FRMD4A: variants seen among roughly 807,000 people sequenced by gnomAD.
FRMD4A encodes the protein FERM domain-containing protein 4A.
Under a neutral mutation model 129.1 loss-of-function variants are expected in FRMD4A, and 29 were observed. The ratio of observed to expected loss-of-function variants is 0.22; its 90% CI spans 0.17 to 0.31. FRMD4A has a LOEUF of 0.31. Among genes scored for constraint, FRMD4A ranks in the 10% least tolerant of loss-of-function variants. The probability of loss-of-function intolerance (pLI) is 1.00; values close to 1 mark genes in which losing one functional copy is unlikely to be tolerated. For synonymous variants in FRMD4A, 634 were observed against 571.6 expected, an observed-to-expected ratio of 1.11 and a Z score of -1.56; for missense variants, 1,272 against 1,375.8, an observed-to-expected ratio of 0.92 and a Z score of 1.19.
intron 15 of FRMD4A, among the ~76,000 whole-genome samples, chr10:13,686,254 GAGA>G (rs1274894668): frequency 2.6e-5 from 4 of 152,254 alleles, no homozygotes; most frequent in African/African-American, 9.6e-5. Context: ...ATACAGGGAG[GAGA>G]AGGAGGAAGG....
At chr10:14,066,314 G>A (rs999997168) in intron 2 of FRMD4A, among the ~76,000 whole-genome samples, 1 of 151,100 alleles carries the variant, frequency 6.6e-6, no homozygotes, top group Non-Finnish European at 1.5e-5. Flanking sequence ...TTGGTGGGGG[G>A]TGTGGGGGGT....
intron 14 of FRMD4A, among the ~76,000 whole-genome samples, chr10:13,698,391 T>C (rs3829930): frequency 0.74 from 112,231 of 151,990 alleles, 41,515 homozygotes; most frequent in Admixed American, 0.79. Context: ...AGAAATGTTA[T>C]GAAGCTCTCT....
intron 14 of FRMD4A, among the ~76,000 whole-genome samples, chr10:13,699,622 T>A (rs1434678037): frequency 2.6e-5 from 4 of 152,102 alleles, no homozygotes; most frequent in African/African-American, 9.7e-5. Flanking sequence ...GTCCACACTG[T>A]GGTACAGTGC....
Position 13,663,436 on chromosome 10 carries a change from G to A in FRMD4A, c.1660+17C>T, listed in dbSNP as rs112821068. On this transcript the variant is annotated intron_variant, in intron 19 of 24. Coordinates refer to ENST00000357447, the MANE Select transcript of FRMD4A (RefSeq NM_018027.5). ...CTCTGAGCTGTAGGTTTGTAAGCAG[G>A]AAATGCATAAACCTACCATCCTCAA... The A allele has an allele frequency of 1.7e-5, 22 of 1,318,232 alleles. No homozygotes were observed. Among genetic ancestry groups the A allele is most frequent in the Middle Eastern group, 1.8e-4 (1 of 5,508 alleles). 81.7% of individuals were successfully genotyped at this position (1,318,232 alleles called of 1,614,324 possible).
intron 2 of FRMD4A, among the ~76,000 whole-genome samples, chr10:14,184,614 C>A (rs114317826): frequency 6.6e-6 from 1 of 152,020 alleles, no homozygotes; most frequent in Non-Finnish European, 1.5e-5. Context: ...GCACCGTGCC[C>A]GTCTCCTGAG....
chr10:13,740,700 A>G (rs2090938227), intron 9 of FRMD4A, 123 bp from the exon 10 acceptor site: 1 of 631,510 alleles, frequency 1.6e-6, no homozygotes, highest in Non-Finnish European at 2.8e-6. Context: ...AGCTCCTGGA[A>G]AAATGATTTG....
intron 2 of FRMD4A, among the ~76,000 whole-genome samples, chr10:14,057,969 C>T (rs1834622944): frequency 1.3e-5 from 2 of 152,238 alleles, no homozygotes; most frequent in African/African-American, 4.8e-5. Flanking sequence ...AATAACAAAA[C>T]TCACTCAGAA....
intron 2 of FRMD4A, among the ~76,000 whole-genome samples, chr10:14,216,012 C>T (rs1843063793): frequency 6.6e-6 from 1 of 152,056 alleles, no homozygotes; most frequent in Admixed American, 6.6e-5. Flanking sequence ...GCTGAGATTG[C>T]AATCTCCATG....
intron 2 of FRMD4A, among the ~76,000 whole-genome samples, chr10:13,911,267 T>C (rs1194423245): frequency 6.6e-6 from 1 of 152,214 alleles, no homozygotes; most frequent in Non-Finnish European, 1.5e-5. Flanking sequence ...TAAGATCATT[T>C]CCAAAAAAGT....
chr10:14,084,299 A>T (rs1038371202), intron 2 of FRMD4A, among the ~76,000 whole-genome samples: 3 of 152,128 alleles, frequency 2.0e-5, no homozygotes, highest in African/African-American at 7.2e-5. Flanking sequence ...GGCATGCGCC[A>T]CCATGCCTGG....
chr10:14,058,220 A>C (rs999170552), intron 2 of FRMD4A, among the ~76,000 whole-genome samples: 2 of 152,202 alleles, frequency 1.3e-5, no homozygotes, highest in Non-Finnish European at 2.9e-5. Flanking sequence ...GATTTGGGCT[A>C]TCTTTATACT....
intron 2 of FRMD4A, among the ~76,000 whole-genome samples, chr10:14,036,795 A>G (rs1158255925): frequency 2.0e-5 from 3 of 152,170 alleles, no homozygotes; most frequent in African/African-American, 7.2e-5. Flanking sequence ...CAGGTTGGCC[A>G]GACTGGTCTC....
At chr10:14,140,521 A>G (rs1839783623) in intron 2 of FRMD4A, among the ~76,000 whole-genome samples, 1 of 152,204 alleles carries the variant, frequency 6.6e-6, no homozygotes, top group African/African-American at 2.4e-5. Flanking sequence ...GAGATGTTAA[A>G]TGGTACACGA....
At chr10:14,085,606 G>C (rs2614149) in intron 2 of FRMD4A, among the ~76,000 whole-genome samples, 59,931 of 152,034 alleles carry the variant, frequency 0.39, 12,281 homozygotes, top group East Asian at 0.63. Flanking sequence ...GCTGGGGACA[G>C]AGCCTGCCTC....
intron 2 of FRMD4A, among the ~76,000 whole-genome samples, chr10:14,190,876 G>C (rs1211376896): frequency 6.6e-6 from 1 of 152,182 alleles, no homozygotes; most frequent in Admixed American, 6.5e-5. Context: ...AAGTCCTTGG[G>C]CATGCGCAGT....
intron 2 of FRMD4A, among the ~76,000 whole-genome samples, chr10:13,921,536 T>A (rs1373689216): frequency 6.6e-6 from 1 of 152,190 alleles, no homozygotes; most frequent in Non-Finnish European, 1.5e-5. Flanking sequence ...GTTGGAATTA[T>A]AGGCATGAGC....
At chr10:14,222,692 G>A (rs907725247) in intron 2 of FRMD4A, among the ~76,000 whole-genome samples, 4 of 152,118 alleles carry the variant, frequency 2.6e-5, no homozygotes, top group Non-Finnish European at 5.9e-5. Flanking sequence ...ATCAGGCCAT[G>A]GTATTGAGTA....
intron 2 of FRMD4A, among the ~76,000 whole-genome samples, chr10:13,882,835 G>A (rs1185200816): frequency 1.4e-5 from 2 of 144,918 alleles, no homozygotes; most frequent in Non-Finnish European, 3.0e-5. Flanking sequence ...AGACACACTC[G>A]CTCTGTCACC....
chr10:13,831,820 T>G (rs1413535632), intron 3 of FRMD4A, among the ~76,000 whole-genome samples: 2 of 152,102 alleles, frequency 1.3e-5, no homozygotes, highest in African/African-American at 4.8e-5. Flanking sequence ...CCAGTTGCCA[T>G]TGTCTGGGAA....
Sources: allele counts gnomAD v4.1 joint callset (sites outside exome capture counted in the v4.1 genomes callset), GRCh38; gene constraint gnomAD v4.1.1; transcripts MANE v1.5; gene names NCBI Gene and HGNC (gene_info 2026-07-23, HGNC 2026-07-21).